The following CHEK2 variants were observed in gnomAD, a reference collection of about 807,000 sequenced individuals.
CHEK2 encodes serine/threonine-protein kinase Chk2.
CHEK2 carries 71 observed loss-of-function variants against 69.1 expected under a neutral mutation model. The ratio of observed to expected loss-of-function variants is 1.03; its 90% CI spans 0.85 to 1.25. The LOEUF is 1.25. CHEK2 is among the 50% of genes most tolerant of loss of function. CHEK2 has a pLI of 0.00. For missense variants in CHEK2, 664 were observed against 649.6 expected (o/e 1.02, Z -0.24); for synonymous variants, 189 against 226.9 (o/e 0.83, Z 1.50).
At chr22:28,718,909 C>CAT (rs1433350403) in intron 5 of CHEK2, among the ~76,000 whole-genome samples, 18 of 151,228 alleles carry the variant, frequency 1.2e-4, no homozygotes. Context: ...CACACACACA[C>CAT]ACACACACAC....
At chr22:28,726,682 C>T (rs1048471375) in intron 2 of CHEK2, among the ~76,000 whole-genome samples, 2 of 148,220 alleles carry the variant, frequency 1.3e-5, no homozygotes, top group African/African-American at 5.0e-5. Flanking sequence ...TAAAAGTTCT[C>T]GAGTAATTTT....
intron 7 of CHEK2, among the ~76,000 whole-genome samples, chr22:28,708,397 G>GTGTGTGTGTGTGTGTGTC (rs2053250087): frequency 6.6e-6 from 1 of 151,478 alleles, no homozygotes; most frequent in Non-Finnish European, 1.5e-5. Flanking sequence ...GTGTGTGTGT[G>GTGTGTGTGTGTGTGTGTC]TGTGTTAAAG....
At chr22:28,728,974 C>CAAA (rs66909343) in intron 2 of CHEK2, among the ~76,000 whole-genome samples, 4 of 151,494 alleles carry the variant, frequency 2.6e-5, no homozygotes, top group African/African-American at 9.7e-5. Context: ...GACCCTGTCT[C>CAAA]AAAAAAAAGA....
intron 8 of CHEK2, 23 bp from the exon 9 acceptor site, chr22:28,699,960 G>C: frequency 6.4e-7 from 1 of 1,563,868 alleles, no homozygotes; most frequent in Non-Finnish European, 8.8e-7. Flanking sequence ...GGCAAGGCAA[G>C]GGGTTCATTC....
chr22:28,695,493 C>CA (rs892280999), intron 11 of CHEK2, among the ~76,000 whole-genome samples: 15 of 152,118 alleles, frequency 9.9e-5, no homozygotes, highest in Non-Finnish European at 1.9e-4. Context: ...CCCATCACTA[C>CA]AAAAAATAGA....
intron 14 of CHEK2, 82 bp from the exon 15 acceptor site, chr22:28,688,068 C>T: frequency 9.2e-7 from 1 of 1,092,066 alleles, no homozygotes; most frequent in South Asian, 1.3e-5. Context: ...CAATATGCTT[C>T]CAGTAAAGTG....
chr22:28,729,121 C>A (rs569037852), intron 2 of CHEK2, among the ~76,000 whole-genome samples: 1 of 152,218 alleles, frequency 6.6e-6, no homozygotes, highest in South Asian at 2.1e-4. Flanking sequence ...ATACCAAAAC[C>A]AGACAGAGAC....
chr22:28,704,121 G>GACACAC (rs10565000), intron 7 of CHEK2, among the ~76,000 whole-genome samples: 101 of 143,030 alleles, frequency 7.1e-4, no homozygotes, highest in South Asian at 3.0e-3. Context: ...GAGACAGACA[G>GACACAC]ACACACACAC....
chr22:28,728,028 AG>A (rs1407824286), intron 2 of CHEK2: 2 of 152,286 alleles, frequency 1.3e-5, no homozygotes, highest in African/African-American at 4.8e-5. Flanking sequence ...GTACTTTGGG[AG>A]GCCAAGGAAG....
At chr22:28,707,718 C>CT (rs1260124726) in intron 7 of CHEK2, among the ~76,000 whole-genome samples, 1 of 151,246 alleles carries the variant, frequency 6.6e-6, no homozygotes, top group Non-Finnish European at 1.5e-5. Context: ...GTCTAGAAAT[C>CT]TTTTTTAGGG....
At chr22:28,706,397 C>T (rs539769713) in intron 7 of CHEK2, among the ~76,000 whole-genome samples, 2 of 152,164 alleles carry the variant, frequency 1.3e-5, no homozygotes, top group East Asian at 3.9e-4. Context: ...AAAACATAAA[C>T]AGGTAGCTCG....
chr22:28,697,059 C>G, intron 9 of CHEK2, 72 bp from the exon 10 acceptor site: 1 of 880,114 alleles, frequency 1.1e-6, no homozygotes, highest in Non-Finnish European at 1.9e-6. Flanking sequence ...GTTACCAACA[C>G]ACACATCTCA....
At chr22:28,730,583 C>T (rs2054183938) in intron 2 of CHEK2, 1 of 667,948 alleles carries the variant, frequency 1.5e-6, no homozygotes, top group African/African-American at 1.8e-5. Context: ...TTAGGCCAGC[C>T]ACGGTGGCTC....
intron 2 of CHEK2, among the ~76,000 whole-genome samples, chr22:28,727,304 G>C (rs1366768884): frequency 6.6e-6 from 1 of 152,200 alleles, no homozygotes; most frequent in Non-Finnish European, 1.5e-5. Flanking sequence ...GCCTCCCAAA[G>C]TGCTGGGATA....
chr22:28,720,263 G>A (rs1191206299), intron 4 of CHEK2, among the ~76,000 whole-genome samples: 1 of 151,344 alleles, frequency 6.6e-6, no homozygotes, highest in Non-Finnish European at 1.5e-5. Flanking sequence ...GCTAAGTTTT[G>A]TATTTTTAGT....
At chr22:28,699,371 T>C (rs1197966907) in intron 9 of CHEK2, among the ~76,000 whole-genome samples, 2 of 139,682 alleles carry the variant, frequency 1.4e-5, no homozygotes, top group African/African-American at 2.7e-5. Context: ...TCTTTTTTTT[T>C]TTTTTTTTTT....
intron 7 of CHEK2, 58 bp downstream of exon 7, chr22:28,709,948 A>G: frequency 9.9e-7 from 1 of 1,012,054 alleles, no homozygotes; most frequent in South Asian, 1.3e-5. Flanking sequence ...AAGGCTTTAT[A>G]CTCTTCTCAT....
At chr22:28,711,405 C>CA (rs17885505) in intron 6 of CHEK2, among the ~76,000 whole-genome samples, 4,273 of 152,174 alleles carry the variant, frequency 0.028, 89 homozygotes, top group Middle Eastern at 0.061. Context: ...CATGAAAACT[C>CA]AGTCATCAAA....
intron 7 of CHEK2, among the ~76,000 whole-genome samples, chr22:28,707,338 TA>T (rs1290420886): frequency 6.6e-6 from 1 of 152,208 alleles, no homozygotes; most frequent in African/African-American, 2.4e-5. Context: ...CCTTGTGACA[TA>T]AGTATTCTTA....
Sources: allele counts gnomAD v4.1 joint callset (sites outside exome capture counted in the v4.1 genomes callset), GRCh38; gene constraint gnomAD v4.1.1; transcripts MANE v1.5; gene names NCBI Gene and HGNC (gene_info 2026-07-23, HGNC 2026-07-21).